The following DNAJA3 variants were observed in gnomAD, a reference collection of about 807,000 sequenced individuals.
DNAJA3 encodes DnaJ heat shock protein family (Hsp40) member A3, also known as dnaJ homolog subfamily A member 3, mitochondrial.
Under a neutral mutation model 54.9 loss-of-function variants are expected in DNAJA3, and 29 were observed. The ratio of observed to expected loss-of-function variants is 0.53; its 90% CI spans 0.39 to 0.72. The LOEUF (loss-of-function observed/expected upper bound fraction) is 0.72, where lower values mean the gene tolerates loss of function less well. DNAJA3 is among the 30% of genes least tolerant of loss of function. The pLI, the probability that DNAJA3 is intolerant of heterozygous loss-of-function variation, is 0.00. For missense variants in DNAJA3, 708 were observed against 639.4 expected (o/e 1.11, Z -1.16); for synonymous variants, 302 against 251.4 (o/e 1.20, Z -1.90).
intron 1 of DNAJA3, chr16:4,427,362 G>T (rs2056637614): frequency 6.6e-6 from 1 of 152,194 alleles, no homozygotes; most frequent in South Asian, 2.1e-4. Flanking sequence ...GCCCTGACAA[G>T]ATAATTTATA....
Position 4,425,976 on chromosome 16 carries a change from A to C in DNAJA3, c.95A>C (p.Glu32Ala), listed in dbSNP as rs1282434480. ...ISGRGARPPR[E>A]GVVGAWLSRK... ...GGTAGAGGGGCCCGGCCGCCCAGGGAGGGCGTGGTGGGGGCATGGCTGAGC... is the reference window on the plus strand; with the variant it reads ...GGTAGAGGGGCCCGGCCGCCCAGGGCGGGCGTGGTGGGGGCATGGCTGAGC... Residue 32 changes from glutamate to alanine, a missense_variant, in exon 1 of 12, where the codon GAG becomes GCG. By Grantham distance (107) the Glu-to-Ala change is moderately radical. Transcript: ENST00000262375. 3 of 1,593,716 alleles carry C rather than the reference A, an allele frequency of 1.9e-6. No individual in the cohort carries two copies. The highest frequency in any genetic ancestry group is 2.6e-6 in the Non-Finnish European group (3 of 1,171,616).
intron 3 of DNAJA3, among the ~76,000 whole-genome samples, chr16:4,439,187 C>G (rs1037929450): frequency 6.6e-6 from 1 of 151,730 alleles, no homozygotes; most frequent in Non-Finnish European, 1.5e-5. Flanking sequence ...ATGGTGAAAC[C>G]CCATCTCTAC....
rs888793049 is a variant in DNAJA3 at position 4,442,295 on chromosome 16, G to T, written c.658G>T (p.Ala220Ser). The T allele has an allele frequency of 8.1e-6, 13 of 1,598,504 alleles. No individual in the cohort carries two copies. The Admixed American group carries it at 1.5e-4, about 19-fold the overall frequency. ...CTTCATGGAGTTGACATTCAATCAA[G>T]CTGCAAAGGGGGTCAACAAGGAGTT... ...EYFMELTFNQ[A>S]AKGVNKEFTV... The change falls in exon 5 of 12, where the codon GCT becomes TCT. Residue 220 changes from alanine to serine, a missense_variant. Ala to Ser is a moderately conservative substitution (Grantham distance 99, BLOSUM62 1). Coordinates refer to ENST00000262375, the MANE Select transcript of DNAJA3 (RefSeq NM_005147.6).
chr16:4,452,056 C>T lies in DNAJA3; in HGVS notation c.1339+1559C>T, dbSNP rs143595512. 4.6e-3 allele frequency among the ~76,000 whole-genome samples: 703 copies of T among 152,110 alleles called. 3 individuals are homozygous for T. Among genetic ancestry groups the T allele is most frequent in the Non-Finnish European group, 7.9e-3 (539 of 67,980 alleles). ...CTGCACTACAGCCTGGGTGACATAG[C>T]GAGACTCTGTCTCAAAAAAACAACA... On this transcript the variant is annotated intron_variant, in intron 10 of 11. Transcript: ENST00000262375.
intron 1 of DNAJA3, among the ~76,000 whole-genome samples, chr16:4,427,767 C>T (rs2056643214): frequency 6.6e-6 from 1 of 152,218 alleles, no homozygotes; most frequent in Admixed American, 6.5e-5. Context: ...CTCCCAGGTT[C>T]AATCGATCCT....
At chr16:4,441,092 G>A in intron 3 of DNAJA3, 3 of 493,808 alleles carry the variant, frequency 6.1e-6, no homozygotes, top group Non-Finnish European at 1.1e-5. Flanking sequence ...GGGTGCCTGT[G>A]AGGTCAAGCG....
At chr16:4,451,035 C>T (rs367964504) in intron 10 of DNAJA3, among the ~76,000 whole-genome samples, 25 of 152,302 alleles carry the variant, frequency 1.6e-4, no homozygotes, top group African/African-American at 5.3e-4. Flanking sequence ...GCACCATTTA[C>T]CCTGAGCTCA....
chr16:4,434,546 C>G (rs760365954), intron 2 of DNAJA3, 29 bp downstream of exon 2: 1 of 1,602,998 alleles, frequency 6.2e-7, no homozygotes. Context: ...TTTTGGTGAC[C>G]AAATTGTAGT....
At position 4,426,040 on chromosome 16, in the gene DNAJA3, C is replaced by T; in HGVS notation, c.159C>T (p.Thr53=). The T allele has an allele frequency of 3.1e-6, 5 of 1,605,772 alleles. No homozygotes were observed. Among genetic ancestry groups the T allele is most frequent in the African/African-American group, 2.7e-5 (2 of 73,902 alleles). The part of the protein sequence containing the change: ...LSVPAFASSL[T]SCGPRALLTL... ...TCCCCGCCTTTGCGTCTTCCCTGAC[C>T]TCTTGCGGCCCCCGAGCGCTGCTGA... The change falls in exon 1 of 12, where the codon ACC becomes ACT. Residue 53 remains threonine, a synonymous_variant. Coordinates refer to ENST00000262375, the MANE Select transcript of DNAJA3 (RefSeq NM_005147.6).
At chr16:4,443,639 C>A (rs548978080) in intron 6 of DNAJA3, among the ~76,000 whole-genome samples, 7 of 152,102 alleles carry the variant, frequency 4.6e-5, no homozygotes, top group Non-Finnish European at 1.0e-4. Flanking sequence ...TTGGAGATCC[C>A]AGCTTGAGTA....
chr16:4,442,142 C>T, intron 4 of DNAJA3, 126 bp from the exon 5 acceptor site: 3 of 989,164 alleles, frequency 3.0e-6, no homozygotes, highest in Non-Finnish European at 4.3e-6. Context: ...TGGCAGAGTG[C>T]AAGTAAGTAC....
rs910965281 is a variant in DNAJA3 at position 4,450,083 on chromosome 16, T to C, written c.1242-317T>C. 1.2e-4 allele frequency: 29 copies of C among 244,940 alleles called. No homozygotes were observed. The East Asian group carries it at 1.5e-3, about 13-fold the overall frequency. 15.2% of individuals were successfully genotyped at this position (244,940 alleles called of 1,614,324 possible). A position where few individuals can be genotyped will look rare whatever the true frequency, so the allele number is the denominator to read the frequency against. ...GATTACAGGCATGAGCCACTGCGCC[T>C]GGCCTAATTAGATAATTTCTTACTT... On this transcript the variant is annotated intron_variant, in intron 9 of 11. Transcript: ENST00000262375.
chr16:4,455,535 C>A lies in DNAJA3; in HGVS notation c.*14-11C>A. The stretch of plus-strand genomic sequence containing the variant: ...TTGAGTATAAGGTAACAGCCTATCT[C>A]TTTGGCTCAGGAAAAAGATCCACTG... On this transcript the variant is annotated splice_polypyrimidine_tract_variant and intron_variant, in intron 11 of 11. Transcript: ENST00000262375. The A allele has an allele frequency of 6.4e-7, 1 of 1,551,780 alleles. No individual in the cohort carries two copies. Among genetic ancestry groups the A allele is most frequent in the Non-Finnish European group, 8.7e-7 (1 of 1,146,984 alleles).
At chr16:4,444,458 C>G (rs1192050783) in intron 6 of DNAJA3, among the ~76,000 whole-genome samples, 1 of 151,744 alleles carries the variant, frequency 6.6e-6, no homozygotes, top group African/African-American at 2.4e-5. Context: ...ATTCTCTTTC[C>G]TCAGCCTCCT....
chr16:4,435,449 C>T (rs534981741), intron 2 of DNAJA3, among the ~76,000 whole-genome samples: 5 of 152,268 alleles, frequency 3.3e-5, no homozygotes, highest in South Asian at 2.1e-4. Flanking sequence ...TTCATTACCT[C>T]GAAAAGAAAC....
chr16:4,430,137 C>G (rs2056678339), intron 1 of DNAJA3, among the ~76,000 whole-genome samples: 1 of 151,728 alleles, frequency 6.6e-6, no homozygotes, highest in African/African-American at 2.4e-5. Context: ...AATGAGACCC[C>G]TGTCTCTTAA....
chr16:4,450,606 G>T lies in DNAJA3; in HGVS notation c.1339+109G>T. The T allele has an allele frequency of 3.6e-6, 3 of 838,396 alleles. No individual in the cohort carries two copies. In the South Asian group the frequency reaches 6.0e-5, roughly 17 times the overall value. 51.9% of individuals were successfully genotyped at this position (838,396 alleles called of 1,614,324 possible). On this transcript the variant is annotated intron_variant, in intron 10 of 11. Transcript: ENST00000262375. ...GTTTCCACTTCGGGTTCTTCATGAA[G>T]CCTTTAAAATGTGCAGTTGAAAGAG...
chr16:4,443,993 C>T (rs1184861648), intron 6 of DNAJA3, among the ~76,000 whole-genome samples: 2 of 152,130 alleles, frequency 1.3e-5, no homozygotes, highest in Non-Finnish European at 2.9e-5. Flanking sequence ...GCCTGCTTTA[C>T]TGTTGTTTAG....
intron 3 of DNAJA3, among the ~76,000 whole-genome samples, chr16:4,438,423 A>G (rs1008108430): frequency 6.6e-6 from 1 of 152,098 alleles, no homozygotes. Flanking sequence ...TAATTAATTC[A>G]GCCCTTATTC....
Sources: gnomAD v4.1 joint callset for allele counts (sites outside exome capture counted in the v4.1 genomes callset) on GRCh38, gnomAD v4.1.1 for gene constraint, MANE v1.5 for transcripts, NCBI Gene and HGNC (gene_info 2026-07-23, HGNC 2026-07-21) for gene names.